MBP: variants seen among roughly 807,000 people sequenced by gnomAD.
The protein encoded by MBP is Golli-MBP.
In MBP, 16 loss-of-function variants were observed where a neutral mutation model predicts 35.8. That is an observed-to-expected ratio of 0.45 (90% CI 0.30 to 0.68). The LOEUF (loss-of-function observed/expected upper bound fraction) is 0.68. Ranked by LOEUF, MBP falls within the 30% of genes least tolerant of loss-of-function variation. The pLI is 0.08. For missense variants in MBP, 380 were observed against 404.7 expected, an observed-to-expected ratio of 0.94 and a Z score of 0.52; for synonymous variants, 143 against 159.6, an observed-to-expected ratio of 0.90 and a Z score of 0.78.
chr18:77,124,127 C>T (rs560238823), intron 1 of MBP, among the ~76,000 whole-genome samples: 1 of 152,310 alleles, frequency 6.6e-6, no homozygotes, highest in African/African-American at 2.4e-5. Context: ...GCCGCAACAC[C>T]AGCAGTCCCC....
intron 4 of MBP, among the ~76,000 whole-genome samples, chr18:77,001,579 G>C (rs775853163): frequency 6.6e-6 from 1 of 152,192 alleles, no homozygotes; most frequent in Non-Finnish European, 1.5e-5. Context: ...GGCCAGGCAC[G>C]GTGGCTCACA....
At chr18:77,031,751 G>T (rs1301475272) in intron 3 of MBP, among the ~76,000 whole-genome samples, 3 of 152,252 alleles carry the variant, frequency 2.0e-5, no homozygotes, top group Non-Finnish European at 2.9e-5. Flanking sequence ...GTGCAGCTCT[G>T]CTGGCTCTAA....
intron 2 of MBP, among the ~76,000 whole-genome samples, chr18:77,084,411 G>GC (rs61631239): frequency 0.18 from 12,929 of 73,298 alleles, 1,645 homozygotes; most frequent in South Asian, 0.29. Context: ...TCACAACACC[G>GC]CCCCCCCCGC....
chr18:77,069,795 A>G (rs1974358671), intron 2 of MBP, among the ~76,000 whole-genome samples: 1 of 152,246 alleles, frequency 6.6e-6, no homozygotes, highest in East Asian at 1.9e-4. Context: ...TCCCACAGCT[A>G]TGGTGCGTCC....
At chr18:77,125,888 C>CAA (rs11370299) in intron 1 of MBP, among the ~76,000 whole-genome samples, 12,049 of 147,450 alleles carry the variant, frequency 0.082, 566 homozygotes, top group South Asian at 0.12. Flanking sequence ...TTCAAGAAAC[C>CAA]AAAAAAAAAA....
chr18:76,982,049 T>G (rs1011079899), intron 8 of MBP: 4 of 152,216 alleles, frequency 2.6e-5, no homozygotes, highest in South Asian at 2.1e-4. Context: ...GTGTATTGGT[T>G]TTACTTTTTA....
chr18:77,075,405 A>G (rs952217984), intron 2 of MBP, among the ~76,000 whole-genome samples: 1 of 152,242 alleles, frequency 6.6e-6, no homozygotes, highest in Non-Finnish European at 1.5e-5. Flanking sequence ...CAAAACGCCC[A>G]TCACACACAT....
chr18:77,068,849 T>C (rs749595548), intron 2 of MBP: 11 of 402,586 alleles, frequency 2.7e-5, no homozygotes, highest in Non-Finnish European at 4.9e-5. Context: ...TTGCTAGAGA[T>C]GTGGTGGGAG....
chr18:77,050,750 T>C (rs1973455933), intron 3 of MBP, among the ~76,000 whole-genome samples: 1 of 152,242 alleles, frequency 6.6e-6, no homozygotes, highest in African/African-American at 2.4e-5. Flanking sequence ...TTCACCATAC[T>C]GGCCAGGCTG....
At chr18:77,057,400 A>C (rs543106102) in intron 3 of MBP, among the ~76,000 whole-genome samples, 28 of 152,304 alleles carry the variant, frequency 1.8e-4, no homozygotes, top group Admixed American at 9.1e-4. Context: ...ACCCAGCCCA[A>C]AGATGCTATT....
intron 1 of MBP, among the ~76,000 whole-genome samples, chr18:77,125,230 T>A (rs1021952486): frequency 1.3e-5 from 2 of 152,226 alleles, no homozygotes; most frequent in African/African-American, 2.4e-5. Context: ...TTGTGGGGCC[T>A]TCTAATCTTC....
At chr18:77,034,185 G>A (rs568818499) in intron 3 of MBP, among the ~76,000 whole-genome samples, 13 of 151,838 alleles carry the variant, frequency 8.6e-5, no homozygotes, top group South Asian at 4.2e-4. Context: ...GATTTGAAGC[G>A]CCAGGGATGC....
At chr18:77,123,361 T>C (rs1372770897) in intron 1 of MBP, among the ~76,000 whole-genome samples, 1 of 152,212 alleles carries the variant, frequency 6.6e-6, no homozygotes, top group African/African-American at 2.4e-5. Flanking sequence ...AAAAATAAAC[T>C]GTCAACAAAA....
chr18:76,989,889 G>T lies in MBP; in HGVS notation c.681+67C>A. 1 of 1,369,564 alleles carries T rather than the reference G, an allele frequency of 7.3e-7. No individual in the cohort carries two copies. Among genetic ancestry groups the T allele is most frequent in the Non-Finnish European group, 1.0e-6 (1 of 959,846 alleles). 84.8% of individuals were successfully genotyped at this position (1,369,564 alleles called of 1,614,324 possible). On this transcript the variant is annotated intron_variant, in intron 5 of 8. Transcript: ENST00000355994. The surrounding 1 kb of genome is among the most constrained non-coding windows in gnomAD (Gnocchi z 4.0). ...GAGCGTACGAACGTCCTGTGTGGAT[G>T]ACAGCAGTGGCCAGCACCCCTCCTC...
Position 77,101,077 on chromosome 18 carries a change from A to G in MBP, c.51+4134T>C, listed in dbSNP as rs1975988787. The stretch of plus-strand genomic sequence containing the variant: ...GATTCACACTGCCAAAAAGGAATGA[A>G]TTCCTCCAGTAGCCAGTGAAGCCAA... On this transcript the variant is annotated intron_variant, in intron 2 of 8. Coordinates refer to ENST00000355994, the MANE Select transcript of MBP (RefSeq NM_001025101.2). This position sits in a 1 kb window ranked among gnomAD's most constrained non-coding sequence, Gnocchi z 4.3. Among the ~76,000 whole-genome samples the G allele has an allele frequency of 1.3e-5, 2 of 152,224 alleles. No homozygotes were observed. Among genetic ancestry groups the G allele is most frequent in the Admixed American group, 1.3e-4 (2 of 15,286 alleles).
At chr18:77,055,656 C>T (rs1379489485) in intron 3 of MBP, among the ~76,000 whole-genome samples, 1 of 151,408 alleles carries the variant, frequency 6.6e-6, no homozygotes, top group African/African-American at 2.4e-5. Flanking sequence ...TGGTGGGCTG[C>T]TATCTTTCAT....
At chr18:77,029,978 C>T (rs1972482418) in intron 3 of MBP, among the ~76,000 whole-genome samples, 1 of 152,154 alleles carries the variant, frequency 6.6e-6, no homozygotes, top group African/African-American at 2.4e-5. Context: ...ATCTTAGGGG[C>T]CTCACAGGGC....
chr18:76,991,292 C>T (rs1233974157), intron 4 of MBP, among the ~76,000 whole-genome samples: 1 of 152,124 alleles, frequency 6.6e-6, no homozygotes, highest in Non-Finnish European at 1.5e-5. Flanking sequence ...CAGAACACTC[C>T]AGGTCACTAG....
At position 76,992,338 on chromosome 18, in the gene MBP, T is replaced by C. The variant is rs1045176202; in HGVS notation, c.577-2278A>G. On this transcript the variant is annotated intron_variant, in intron 4 of 8. Transcript: ENST00000355994. ...CCATTCCCAGTAGGGTTTGCTCTCC[T>C]ATAGGAATCTGGTGCCGCTGGCCTG... Among the ~76,000 whole-genome samples the C allele has an allele frequency of 2.6e-5, 4 of 152,162 alleles. No individual in the cohort carries two copies. The South Asian group carries it at 8.3e-4, about 32-fold the overall frequency.
Sources: allele counts gnomAD v4.1 joint callset (sites outside exome capture counted in the v4.1 genomes callset), GRCh38; gene constraint gnomAD v4.1.1; non-coding constraint Gnocchi (gnomAD v3.1); transcripts MANE v1.5; gene names NCBI Gene and HGNC (gene_info 2026-07-23, HGNC 2026-07-21).